SLC8A1: variants seen among roughly 807,000 people sequenced by gnomAD.
SLC8A1 encodes solute carrier family 8 member A1, also known as sodium/calcium exchanger 1.
In SLC8A1, 18 loss-of-function variants were observed where a neutral mutation model predicts 68.3. The ratio of observed to expected loss-of-function variants is 0.26; its 90% confidence interval spans 0.18 to 0.39. The LOEUF (loss-of-function observed/expected upper bound fraction) is 0.39, where lower values mean the gene tolerates loss of function less well. Ranked by LOEUF, SLC8A1 falls within the 10% of genes least tolerant of loss-of-function variation. SLC8A1 has a pLI of 1.00. For missense variants in SLC8A1, 985 were observed against 1,156.7 expected, an observed-to-expected ratio of 0.85 and a Z score of 2.15; for synonymous variants, 475 against 415.5, an observed-to-expected ratio of 1.14 and a Z score of -1.74.
chr2:40,104,095 C>T (rs567348768), exon 8 of SLC8A1: 57 of 152,272 alleles, frequency 3.7e-4, no homozygotes, highest in Admixed American at 5.2e-4. Context: ...AAGAGAAAAG[C>T]CTTTGGGTCT....
intron 1 of SLC8A1, among the ~76,000 whole-genome samples, chr2:40,464,046 C>T (rs755800805): frequency 3.6e-4 from 55 of 152,038 alleles, no homozygotes; most frequent in Non-Finnish European, 6.8e-4. Flanking sequence ...AGGTGCATGC[C>T]ACCACGCCAG....
chr2:40,229,516 C>CTT (rs1488390912), intron 2 of SLC8A1, among the ~76,000 whole-genome samples: 1 of 152,110 alleles, frequency 6.6e-6, no homozygotes, highest in Non-Finnish European at 1.5e-5. Context: ...AGCTGCAAAA[C>CTT]TTTATTCATT....
intron 1 of SLC8A1, among the ~76,000 whole-genome samples, chr2:40,495,656 A>G (rs1261383562): frequency 6.6e-6 from 1 of 152,066 alleles, no homozygotes; most frequent in African/African-American, 2.4e-5. Context: ...GAACTTTATA[A>G]TAAGAGGTCA....
At chr2:40,481,648 G>C (rs1398510180) in intron 1 of SLC8A1, among the ~76,000 whole-genome samples, 1 of 152,116 alleles carries the variant, frequency 6.6e-6, no homozygotes, top group Non-Finnish European at 1.5e-5. Context: ...TTGTGAGTAG[G>C]GGGAGAAAGT....
At chr2:40,121,309 C>T (rs2036742069) in intron 7 of SLC8A1, among the ~76,000 whole-genome samples, 1 of 152,176 alleles carries the variant, frequency 6.6e-6, no homozygotes, top group South Asian at 2.1e-4. Flanking sequence ...GGAGATACTA[C>T]TCGAAGTGCC....
At chr2:40,192,966 G>A (rs540317488) in intron 2 of SLC8A1, among the ~76,000 whole-genome samples, 12 of 152,098 alleles carry the variant, frequency 7.9e-5, no homozygotes, top group Middle Eastern at 3.4e-3. Context: ...GTAACCATCC[G>A]CCACGGGATA....
At chr2:40,246,562 G>C (rs964277372) in intron 2 of SLC8A1, among the ~76,000 whole-genome samples, 1 of 152,164 alleles carries the variant, frequency 6.6e-6, no homozygotes, top group African/African-American at 2.4e-5. Context: ...ACTGATTCCT[G>C]TGCAGTCAGT....
intron 1 of SLC8A1, among the ~76,000 whole-genome samples, chr2:40,468,616 T>C (rs564693984): frequency 7.2e-5 from 11 of 152,210 alleles, no homozygotes; most frequent in Non-Finnish European, 1.2e-4. Flanking sequence ...TATGTTTAAA[T>C]ACTTTTTTCC....
chr2:40,120,956 T>C (rs950526356), intron 7 of SLC8A1, among the ~76,000 whole-genome samples: 4 of 152,194 alleles, frequency 2.6e-5, no homozygotes, highest in African/African-American at 9.6e-5. Flanking sequence ...GCTTAAAAAA[T>C]GTAGGTTTGG....
chr2:40,511,348 C>T (rs1287909623), intron 1 of SLC8A1, among the ~76,000 whole-genome samples: 1 of 152,010 alleles, frequency 6.6e-6, no homozygotes, highest in Non-Finnish European at 1.5e-5. Flanking sequence ...AATTTTTTCT[C>T]TTGACTTTTG....
At chr2:40,119,148 T>G (rs2036210266) in intron 7 of SLC8A1, among the ~76,000 whole-genome samples, 1 of 152,298 alleles carries the variant, frequency 6.6e-6, no homozygotes, top group African/African-American at 2.4e-5. Context: ...GATTCTTACT[T>G]GTAATAATAA....
chr2:40,239,387 T>A (rs903820203), intron 2 of SLC8A1, among the ~76,000 whole-genome samples: 1 of 152,202 alleles, frequency 6.6e-6, no homozygotes, highest in Non-Finnish European at 1.5e-5. Context: ...GGGCTTTCTA[T>A]TGACATGAGG....
At chr2:40,298,386 C>T (rs2070811531) in intron 2 of SLC8A1, among the ~76,000 whole-genome samples, 1 of 152,058 alleles carries the variant, frequency 6.6e-6, no homozygotes, top group Non-Finnish European at 1.5e-5. Flanking sequence ...AATTGGAAAA[C>T]CGGGTATACT....
intron 2 of SLC8A1, among the ~76,000 whole-genome samples, chr2:40,364,637 C>T (rs1222663714): frequency 2.0e-5 from 3 of 151,832 alleles, no homozygotes; most frequent in East Asian, 1.9e-4. Flanking sequence ...AGATGAGAAA[C>T]GTACCAGCTG....
At chr2:40,273,915 C>T (rs1395959516) in intron 2 of SLC8A1, among the ~76,000 whole-genome samples, 3 of 143,944 alleles carry the variant, frequency 2.1e-5, no homozygotes, top group Non-Finnish European at 4.5e-5. Flanking sequence ...CAGCCTCTCT[C>T]TTGACCAGGG....
chr2:40,438,598 C>T (rs1160376754), intron 1 of SLC8A1, among the ~76,000 whole-genome samples: 1 of 152,070 alleles, frequency 6.6e-6, no homozygotes, highest in Non-Finnish European at 1.5e-5. Flanking sequence ...GAAGAATTGA[C>T]AAAATGTCAT....
At chr2:40,190,903 T>C (rs962249658) in intron 2 of SLC8A1, 1 of 152,168 alleles carries the variant, frequency 6.6e-6, no homozygotes, top group Non-Finnish European at 1.5e-5. Context: ...AGCCCCTCTC[T>C]ACCACTAGAC....
chr2:40,113,539 T>C (rs1156498915), exon 8 of SLC8A1: 1 of 152,784 alleles, frequency 6.5e-6, no homozygotes, highest in Non-Finnish European at 1.5e-5. Context: ...GACAACACTT[T>C]TAAAGGCCCG....
chr2:40,335,136 G>T (rs371204355), intron 2 of SLC8A1, among the ~76,000 whole-genome samples: 7 of 152,052 alleles, frequency 4.6e-5, no homozygotes, highest in African/African-American at 1.7e-4. Flanking sequence ...AAATAGTTTT[G>T]GATATGGATA....
Sources: allele counts gnomAD v4.1 joint callset (sites outside exome capture counted in the v4.1 genomes callset), GRCh38; gene constraint gnomAD v4.1.1; transcripts MANE v1.5; gene names NCBI Gene and HGNC (gene_info 2026-07-23, HGNC 2026-07-21).